Variants in SDHB observed in about 807,000 individuals in gnomAD.
SDHB encodes the protein succinate dehydrogenase [ubiquinone] iron-sulfur subunit, mitochondrial.
A neutral mutation model predicts 39.7 loss-of-function variants in SDHB; 21 were observed. The observed-to-expected ratio is 0.53, with a 90% CI of 0.37 to 0.76. The LOEUF (loss-of-function observed/expected upper bound fraction) is 0.76, where lower values mean the gene tolerates loss of function less well. SDHB is among the 30% of genes least tolerant of loss of function. SDHB has a pLI of 0.00. For synonymous variants in SDHB, 118 were observed against 117.0 expected (o/e 1.01, Z -0.06); for missense variants, 343 against 350.9 (o/e 0.98, Z 0.18).
chr1:17,038,579 C>T (rs1324359019), intron 2 of SDHB, among the ~76,000 whole-genome samples: 2 of 152,170 alleles, frequency 1.3e-5, no homozygotes, highest in Admixed American at 6.5e-5. Context: ...CATGGACTGG[C>T]TAGAACCTTC....
intron 1 of SDHB, among the ~76,000 whole-genome samples, chr1:17,051,765 C>CA (rs1405703215): frequency 3.9e-5 from 6 of 152,032 alleles, no homozygotes; most frequent in Non-Finnish European, 8.8e-5. Flanking sequence ...GCAACCTTAT[C>CA]AGTCTTTGTA....
intron 1 of SDHB, among the ~76,000 whole-genome samples, chr1:17,049,812 CT>C (rs2078135455): frequency 6.6e-6 from 1 of 151,448 alleles, no homozygotes; most frequent in African/African-American, 2.4e-5. Context: ...GCCCGGCTAA[CT>C]TTTTTGTATT....
intron 3 of SDHB, among the ~76,000 whole-genome samples, chr1:17,031,241 C>T (rs1390325199): frequency 6.6e-6 from 1 of 152,074 alleles, no homozygotes; most frequent in African/African-American, 2.4e-5. Context: ...TTATGTATAC[C>T]TGGCATCCAA....
intron 2 of SDHB, among the ~76,000 whole-genome samples, chr1:17,041,398 G>A (rs146920148): frequency 2.1e-4 from 32 of 152,138 alleles, no homozygotes; most frequent in Admixed American, 1.4e-3. Flanking sequence ...CACTGGGCGC[G>A]GTGGCTCATG....
intron 7 of SDHB, among the ~76,000 whole-genome samples, chr1:17,020,860 C>A (rs566079103): frequency 6.6e-6 from 1 of 152,148 alleles, no homozygotes; most frequent in African/African-American, 2.4e-5. Flanking sequence ...GCTCCCCCAG[C>A]GAGGCCACTG....
chr1:17,028,506 A>C, intron 4 of SDHB, 94 bp downstream of exon 4: 2 of 1,388,186 alleles, frequency 1.4e-6, no homozygotes, highest in East Asian at 2.3e-5. Context: ...TTAAATACTC[A>C]AACAAATCCT....
rs148271365 is a variant in SDHB, at chr1:17,040,862, G to A, written c.200+3899C>T. 2.6e-5 allele frequency among the ~76,000 whole-genome samples: 4 copies of A among 151,970 alleles called. No individual in the cohort carries two copies. The East Asian group carries it at 7.8e-4, about 30-fold the overall frequency. ...CAGATAATTTCGGCCGGGCATGGTG[G>A]CTCACGTCTGGAATCCCAGCACTTT... On this transcript the variant is annotated intron_variant, in intron 2 of 7. Coordinates refer to ENST00000375499, the MANE Select transcript of SDHB (RefSeq NM_003000.3).
At chr1:17,039,563 G>C (rs537822225) in intron 2 of SDHB, among the ~76,000 whole-genome samples, 1 of 152,160 alleles carries the variant, frequency 6.6e-6, no homozygotes, top group East Asian at 1.9e-4. Context: ...AGGGTTTAGT[G>C]AGCCATGATT....
chr1:17,033,006 A>G (rs2078031526), intron 3 of SDHB, 54 bp downstream of exon 3: 1 of 1,410,674 alleles, frequency 7.1e-7, no homozygotes, highest in Non-Finnish European at 1.0e-6. Context: ...GGCCAGCCCA[A>G]GCCTCTTTGG....
intron 4 of SDHB, among the ~76,000 whole-genome samples, chr1:17,028,139 C>T (rs1557741250): frequency 6.6e-6 from 1 of 152,200 alleles, no homozygotes; most frequent in Non-Finnish European, 1.5e-5. Context: ...ACCACGTCAG[C>T]AAAGGTGTTC....
intron 1 of SDHB, among the ~76,000 whole-genome samples, chr1:17,049,415 A>G (rs1209655827): frequency 6.6e-6 from 1 of 151,746 alleles, no homozygotes; most frequent in Non-Finnish European, 1.5e-5. Context: ...CTCCTGTCTC[A>G]GCCACCCGGG....
intron 7 of SDHB, among the ~76,000 whole-genome samples, chr1:17,021,786 C>G (rs1165369062): frequency 6.6e-6 from 1 of 152,024 alleles, no homozygotes; most frequent in African/African-American, 2.4e-5. Context: ...CTCCCTTTCT[C>G]TTGCCCTTCT....
At chr1:17,048,800 T>A (rs1193562270) in intron 1 of SDHB, among the ~76,000 whole-genome samples, 1 of 151,628 alleles carries the variant, frequency 6.6e-6, no homozygotes, top group Non-Finnish European at 1.5e-5. Flanking sequence ...AACCTCCACC[T>A]CCCGACTTCA....
At chr1:17,037,551 G>C (rs2078056651) in intron 2 of SDHB, among the ~76,000 whole-genome samples, 1 of 152,054 alleles carries the variant, frequency 6.6e-6, no homozygotes, top group African/African-American at 2.4e-5. Context: ...CTGCCACCTA[G>C]GTTCAAGCAA....
intron 4 of SDHB, 59 bp downstream of exon 4, chr1:17,028,541 A>C (rs1168843944): frequency 6.3e-7 from 1 of 1,582,754 alleles, no homozygotes; most frequent in Non-Finnish European, 8.7e-7. Flanking sequence ...ATAGCGTAAC[A>C]CACATAGCAC....
At chr1:17,025,181 G>A (rs964407245) in intron 5 of SDHB, among the ~76,000 whole-genome samples, 4 of 152,132 alleles carry the variant, frequency 2.6e-5, no homozygotes, top group Admixed American at 6.5e-5. Context: ...GTTTTATGGC[G>A]CATGGTGCAT....
intron 4 of SDHB, 58 bp from the exon 5 acceptor site, chr1:17,027,923 AC>A: frequency 9.5e-7 from 1 of 1,056,510 alleles, no homozygotes; most frequent in Non-Finnish European, 1.5e-6. Flanking sequence ...TTCCATCATC[AC>A]CTCAGCTTTA....
chr1:17,026,874 T>A (rs2077994266), intron 5 of SDHB, among the ~76,000 whole-genome samples: 1 of 152,166 alleles, frequency 6.6e-6, no homozygotes, highest in Non-Finnish European at 1.5e-5. Context: ...CAGGTGATCC[T>A]CCTACCTCAG....
intron 2 of SDHB, among the ~76,000 whole-genome samples, chr1:17,044,528 G>T (rs966364490): frequency 6.6e-6 from 1 of 152,118 alleles, no homozygotes; most frequent in South Asian, 2.1e-4. Context: ...GTTTCACCAT[G>T]TTGGCCACAT....
Sources: gnomAD v4.1 joint callset for allele counts (sites outside exome capture counted in the v4.1 genomes callset) on GRCh38, gnomAD v4.1.1 for gene constraint, MANE v1.5 for transcripts, NCBI Gene and HGNC (gene_info 2026-07-23, HGNC 2026-07-21) for gene names.